BCAS3: variants seen among roughly 807,000 people sequenced by gnomAD.
BCAS3 encodes the protein BCAS4/BCAS3 fusion.
A neutral mutation model predicts 116.1 loss-of-function variants in BCAS3; 53 were observed. The ratio of observed to expected loss-of-function variants is 0.46; its 90% CI spans 0.37 to 0.57. The LOEUF (loss-of-function observed/expected upper bound fraction) is 0.57, where lower values mean the gene tolerates loss of function less well. Ranked by LOEUF, BCAS3 falls within the 20% of genes least tolerant of loss-of-function variation. The pLI, the probability that BCAS3 is intolerant of heterozygous loss-of-function variation, is 0.00. For synonymous variants in BCAS3, 391 were observed against 408.2 expected, an observed-to-expected ratio of 0.96 and a Z score of 0.51; for missense variants, 917 against 1,165.4, an observed-to-expected ratio of 0.79 and a Z score of 3.10.
rs183183187 is a variant in BCAS3, at chr17:61,170,433, C to T, written c.2425+85869C>T. ...TCAGCCTCCCAAGTGGCTGGGACTA[C>T]GGGTGCCCACCACCACGCCCGGCTA... On this transcript the variant is annotated intron_variant, in intron 22 of 23. Coordinates refer to ENST00000407086, the MANE Select transcript of BCAS3 (RefSeq NM_017679.5). 8.6e-5 allele frequency among the ~76,000 whole-genome samples: 13 copies of T among 151,832 alleles called. No individual in the cohort carries two copies. In the East Asian group the frequency reaches 2.3e-3, roughly 27 times the overall value.
chr17:61,005,946 CT>C (rs1452404784), intron 15 of BCAS3, among the ~76,000 whole-genome samples: 2 of 152,024 alleles, frequency 1.3e-5, no homozygotes, highest in Non-Finnish European at 2.9e-5. Context: ...ATCCCTCCCC[CT>C]TCCCCCCACT....
intron 19 of BCAS3, among the ~76,000 whole-genome samples, chr17:61,050,994 A>T (rs1442102861): frequency 6.6e-6 from 1 of 152,070 alleles, no homozygotes; most frequent in Non-Finnish European, 1.5e-5. Context: ...GTGCACAAAT[A>T]TTTGGAAACT....
intron 7 of BCAS3, among the ~76,000 whole-genome samples, chr17:60,859,376 T>C (rs6504002): frequency 0.19 from 28,608 of 151,948 alleles, 3,275 homozygotes; most frequent in African/African-American, 0.32. Flanking sequence ...CCCCGGTGTC[T>C]GTTGTCCCCT....
intron 22 of BCAS3, among the ~76,000 whole-genome samples, chr17:61,284,223 C>T (rs1252785400): frequency 6.6e-6 from 1 of 152,150 alleles, no homozygotes; most frequent in Non-Finnish European, 1.5e-5. Flanking sequence ...AATTGGCCAC[C>T]TCCCCCACCC....
intron 14 of BCAS3, among the ~76,000 whole-genome samples, chr17:60,966,569 A>G (rs1462345932): frequency 1.3e-5 from 2 of 152,174 alleles, no homozygotes; most frequent in East Asian, 3.8e-4. Flanking sequence ...TAAAGAGACT[A>G]CAACTTATCT....
At position 61,315,224 on chromosome 17, in the gene BCAS3, C is replaced by T. The variant is rs750364399; in HGVS notation, c.2426-53103C>T. Among the ~76,000 whole-genome samples, 16 of 152,128 alleles carry T rather than the reference C, an allele frequency of 1.1e-4. No individual in the cohort carries two copies. Among genetic ancestry groups the T allele is most frequent in the Non-Finnish European group, 1.8e-4 (12 of 68,034 alleles). On this transcript the variant is annotated intron_variant, in intron 22 of 23. Transcript: ENST00000407086. This position sits in a 1 kb window ranked among gnomAD's most constrained non-coding sequence, Gnocchi z 5.3. ...TCCGCCTCCAGGTTAAAGCAATTCT[C>T]GTGTCTCAGCCTCCCAAGTAGCTGG... is the stretch of plus-strand genomic sequence containing the variant.
At chr17:61,260,723 T>C (rs2049129179) in intron 22 of BCAS3, among the ~76,000 whole-genome samples, 1 of 152,258 alleles carries the variant, frequency 6.6e-6, no homozygotes, top group Non-Finnish European at 1.5e-5. Flanking sequence ...AGAGACACTT[T>C]GTACCGACTA....
chr17:60,951,896 T>C (rs1384021550), intron 14 of BCAS3, among the ~76,000 whole-genome samples: 1 of 150,188 alleles, frequency 6.7e-6, no homozygotes, highest in African/African-American at 2.4e-5. Context: ...TCAGCACCCC[T>C]GAGTAGCTGG....
chr17:60,914,533 G>A (rs947051745), intron 12 of BCAS3, among the ~76,000 whole-genome samples: 2 of 152,100 alleles, frequency 1.3e-5, no homozygotes, highest in African/African-American at 4.8e-5. Flanking sequence ...AGAAAAATGG[G>A]CAAAAGATAG....
At position 61,349,765 on chromosome 17, in the gene BCAS3, A is replaced by G. The variant is rs1244571077; in HGVS notation, c.2426-18562A>G. Among the ~76,000 whole-genome samples the G allele has an allele frequency of 6.6e-6, 1 of 152,258 alleles. No homozygotes were observed. The highest frequency in any genetic ancestry group is 1.5e-5 in the Non-Finnish European group (1 of 68,052). On this transcript the variant is annotated intron_variant, in intron 22 of 23. Coordinates refer to ENST00000407086, the MANE Select transcript of BCAS3 (RefSeq NM_017679.5). This position sits in a 1 kb window ranked among gnomAD's most constrained non-coding sequence, Gnocchi z 4.7. ...TATATTTAAGACCTAACACTGCTTC[A>G]TGTCCCCAGCAGTGGAATTCTTGAA...
At position 61,241,512 on chromosome 17, in the gene BCAS3, C is replaced by T. The variant is rs2047512237; in HGVS notation, c.2426-126815C>T. Among the ~76,000 whole-genome samples, 1 of 151,672 alleles carries T rather than the reference C, an allele frequency of 6.6e-6. No individual in the cohort carries two copies. Among genetic ancestry groups the T allele is most frequent in the Non-Finnish European group, 1.5e-5 (1 of 67,944 alleles). Reference sequence around the variant, plus strand: ...GGATCACGAGGTCAGGAGATCAAGACCATCCTCGCTAACACGGTGAAACCC... The same window carrying T: ...GGATCACGAGGTCAGGAGATCAAGATCATCCTCGCTAACACGGTGAAACCC... On this transcript the variant is annotated intron_variant, in intron 22 of 23. Transcript: ENST00000407086. The surrounding 1 kb of genome is among the most constrained non-coding windows in gnomAD (Gnocchi z 4.6).
At chr17:61,102,864 C>T (rs1274736024) in intron 22 of BCAS3, among the ~76,000 whole-genome samples, 9 of 152,042 alleles carry the variant, frequency 5.9e-5, no homozygotes, top group African/African-American at 9.7e-5. Context: ...ACCTTCTTTC[C>T]GTAAAATATT....
chr17:61,066,060 C>T (rs1202116496), intron 19 of BCAS3, among the ~76,000 whole-genome samples: 1 of 152,084 alleles, frequency 6.6e-6, no homozygotes, highest in Non-Finnish European at 1.5e-5. Flanking sequence ...TTAGGGTCAG[C>T]ATTTTTATCC....
rs770926899 is a variant in BCAS3, at chr17:61,256,604, G to T, written c.2426-111723G>T. ...CAGGCGTGAGCCACCGCGCCTGGCC[G>T]TTTGGTTTTGTTTAGGTGTCTTTGT... On this transcript the variant is annotated intron_variant, in intron 22 of 23. Transcript: ENST00000407086. The surrounding 1 kb of genome is among the most constrained non-coding windows in gnomAD (Gnocchi z 5.6). 6.6e-6 allele frequency among the ~76,000 whole-genome samples: 1 copy of T among 151,772 alleles called. No homozygotes were observed. The highest frequency in any genetic ancestry group is 1.5e-5 in the Non-Finnish European group (1 of 67,796).
At chr17:61,166,696 C>T (rs1409438782) in intron 22 of BCAS3, among the ~76,000 whole-genome samples, 2 of 152,040 alleles carry the variant, frequency 1.3e-5, no homozygotes, top group Non-Finnish European at 2.9e-5. Flanking sequence ...CTGCACCCAT[C>T]CTGAACTTTT....
chr17:61,226,205 A>G lies in BCAS3; in HGVS notation c.2425+141641A>G, dbSNP rs1206280638. ...CTAAAAATTAAAAAATTCCTAAAAT[A>G]TCCACTGACCATAATAGTGTCTATC... On this transcript the variant is annotated intron_variant, in intron 22 of 23. Transcript: ENST00000407086. This position sits in a 1 kb window ranked among gnomAD's most constrained non-coding sequence, Gnocchi z 6.0. Among the ~76,000 whole-genome samples, 3 of 152,104 alleles carry G rather than the reference A, an allele frequency of 2.0e-5. No individual in the cohort carries two copies. The highest frequency in any genetic ancestry group is 7.2e-5 in the African/African-American group (3 of 41,408).
chr17:60,934,113 GA>G (rs11464468), intron 13 of BCAS3, among the ~76,000 whole-genome samples: 5 of 150,116 alleles, frequency 3.3e-5, no homozygotes, highest in South Asian at 2.1e-4. Flanking sequence ...TTTAAAAGCA[GA>G]AAAAAAAACA....
rs2144829800 is a variant in BCAS3, at chr17:61,323,382, G to A, written c.2426-44945G>A. On this transcript the variant is annotated intron_variant, in intron 22 of 23. Coordinates refer to ENST00000407086, the MANE Select transcript of BCAS3 (RefSeq NM_017679.5). The surrounding 1 kb of genome is among the most constrained non-coding windows in gnomAD (Gnocchi z 4.6). ...GTAGTGCAGTGAGCAGTTAGCATAA[G>A]GGAGTTCCAGCCCCGGGTTCTAGTC... Among the ~76,000 whole-genome samples the A allele has an allele frequency of 6.6e-6, 1 of 152,318 alleles. No homozygotes were observed. Among genetic ancestry groups the A allele is most frequent in the Non-Finnish European group, 1.5e-5 (1 of 68,038 alleles).
intron 7 of BCAS3, among the ~76,000 whole-genome samples, chr17:60,814,269 TTGTGTGTGTGTGTGTGTG>T (rs67077498): frequency 7.4e-6 from 1 of 134,852 alleles, no homozygotes; most frequent in Non-Finnish European, 1.6e-5. Context: ...TCTTGGTATT[TTGTGTGTGTGTGTGTGTG>T]TGTGTGTGTG....
Sources: gnomAD v4.1 joint callset for allele counts (sites outside exome capture counted in the v4.1 genomes callset) on GRCh38, gnomAD v4.1.1 for gene constraint, Gnocchi (gnomAD v3.1) non-coding constraint, MANE v1.5 for transcripts, NCBI Gene and HGNC (gene_info 2026-07-23, HGNC 2026-07-21) for gene names.